Variants in ALK observed in about 807,000 individuals in gnomAD.
The protein encoded by ALK is ALK receptor tyrosine kinase.
A neutral mutation model predicts 163.1 loss-of-function variants in ALK; 74 were observed. The observed-to-expected ratio is 0.45, with a 90% CI of 0.38 to 0.55. ALK has a LOEUF of 0.55. Among genes scored for constraint, ALK ranks in the 20% least tolerant of loss-of-function variants. The pLI, the probability that ALK is intolerant of heterozygous loss-of-function variation, is 0.00. For synonymous variants in ALK, 960 were observed against 843.2 expected (o/e 1.14, Z -2.40); for missense variants, 2,063 against 2,105.3 (o/e 0.98, Z 0.39).
chr2:29,743,596 G>A (rs1234965947), intron 1 of ALK, among the ~76,000 whole-genome samples: 1 of 152,130 alleles, frequency 6.6e-6, no homozygotes, highest in Non-Finnish European at 1.5e-5. Flanking sequence ...CTGTACTTTT[G>A]ACAAAGTCCC....
chr2:29,318,229 T>C (rs955561351), intron 8 of ALK, 75 bp downstream of exon 8: 6 of 1,288,652 alleles, frequency 4.7e-6, no homozygotes, highest in Non-Finnish European at 6.8e-6. Context: ...GCTAGGCTAC[T>C]TTCTTAATCT....
rs556872262 is a variant in ALK at position 29,826,325 on chromosome 2, G to A, written c.667+93668C>T. 8.1e-4 allele frequency among the ~76,000 whole-genome samples: 123 copies of A among 152,004 alleles called. 1 individual carries two copies. Among genetic ancestry groups the A allele is most frequent in the African/African-American group, 2.6e-3 (106 of 41,474 alleles). ...AAAATCAAGCAAAAATAGGAAATAC[G>A]TCTGCAGTTTGTGGTGTTTGGGCTT... is the stretch of plus-strand genomic sequence containing the variant. On this transcript the variant is annotated intron_variant, in intron 1 of 28. Transcript: ENST00000389048.
intron 1 of ALK, among the ~76,000 whole-genome samples, chr2:29,915,895 G>C (rs1017055684): frequency 6.6e-6 from 1 of 152,094 alleles, no homozygotes; most frequent in Admixed American, 6.5e-5. Flanking sequence ...TGGAGGGCAG[G>C]GAAGAATAAA....
At position 29,676,848 on chromosome 2, in the gene ALK, T is replaced by G. The variant is rs2148275299; in HGVS notation, c.952+18002A>C. 2.7e-5 allele frequency among the ~76,000 whole-genome samples: 4 copies of G among 149,378 alleles called. No individual in the cohort carries two copies. The Middle Eastern group carries it at 0.014, about 512-fold the overall frequency. ...ATTTTTAATGTATGCAGCTTGCACT[T>G]GTTTTGTTAAATTTTTTTCTAATTA... On this transcript the variant is annotated intron_variant, in intron 3 of 28. Transcript: ENST00000389048.
At chr2:29,687,544 G>A (rs76345815) in intron 3 of ALK, among the ~76,000 whole-genome samples, 5,399 of 151,526 alleles carry the variant, frequency 0.036, 126 homozygotes, top group Middle Eastern at 0.066. Context: ...TAAAAAAAAA[G>A]GATAGCATGT....
At chr2:29,467,476 T>C (rs1213181386) in intron 4 of ALK, among the ~76,000 whole-genome samples, 1 of 152,212 alleles carries the variant, frequency 6.6e-6, no homozygotes, top group Non-Finnish European at 1.5e-5. Flanking sequence ...ACTTAGTTTA[T>C]CATTTTCTGC....
intron 23 of ALK, among the ~76,000 whole-genome samples, chr2:29,215,438 T>C (rs1669576579): frequency 6.6e-6 from 1 of 152,198 alleles, no homozygotes; most frequent in African/African-American, 2.4e-5. Flanking sequence ...ATAGTTCCCC[T>C]ACCGGTGCCT....
intron 5 of ALK, among the ~76,000 whole-genome samples, chr2:29,379,892 A>G (rs1668853392): frequency 6.6e-6 from 1 of 152,204 alleles, no homozygotes; most frequent in Non-Finnish European, 1.5e-5. Context: ...GTATTGTGTT[A>G]GTCCATTCTC....
intron 3 of ALK, among the ~76,000 whole-genome samples, chr2:29,604,943 T>C (rs1675499171): frequency 6.6e-6 from 1 of 152,248 alleles, no homozygotes; most frequent in Non-Finnish European, 1.5e-5. Flanking sequence ...TGTTGGGATA[T>C]TCTGACATAT....
intron 3 of ALK, among the ~76,000 whole-genome samples, chr2:29,591,585 G>T (rs1675062221): frequency 6.6e-6 from 1 of 152,144 alleles, no homozygotes; most frequent in Non-Finnish European, 1.5e-5. Flanking sequence ...AGAATTTAAA[G>T]AGATGGAAAT....
chr2:29,821,171 T>G, intron 1 of ALK, among the ~76,000 whole-genome samples: 1 of 152,160 alleles, frequency 6.6e-6, no homozygotes, highest in South Asian at 2.1e-4. Context: ...CCACCCACTG[T>G]TGCCAGAGGA....
At chr2:29,609,306 C>T (rs1675626120) in intron 3 of ALK, among the ~76,000 whole-genome samples, 1 of 152,112 alleles carries the variant, frequency 6.6e-6, no homozygotes, top group Admixed American at 6.5e-5. Context: ...TGTCCACTCT[C>T]TCTGGTGCCC....
intron 3 of ALK, among the ~76,000 whole-genome samples, chr2:29,633,082 C>T (rs1279721914): frequency 2.0e-5 from 3 of 152,148 alleles, no homozygotes; most frequent in Non-Finnish European, 4.4e-5. Flanking sequence ...ACAGAAATCT[C>T]TCTTAGTTAC....
rs112818332 is a variant in ALK, at chr2:29,558,598, C to T, written c.953-26482G>A. On this transcript the variant is annotated intron_variant, in intron 3 of 28. Transcript: ENST00000389048. ...CTGCTCTACCTTGGAATCTGCTCAC[C>T]CTTCAAGGTCCATTTAAGGGTCACC... Among the ~76,000 whole-genome samples, 330 of 152,172 alleles carry T rather than the reference C, an allele frequency of 2.2e-3. 3 individuals are homozygous for T. The East Asian group carries it at 0.024, about 11-fold the overall frequency.
intron 3 of ALK, among the ~76,000 whole-genome samples, chr2:29,674,457 G>C (rs1677810336): frequency 6.7e-6 from 1 of 149,406 alleles, no homozygotes; most frequent in Non-Finnish European, 1.5e-5. Context: ...CTTTGGCTCT[G>C]TTTATATGCT....
At chr2:29,391,715 T>C (rs1453336869) in intron 4 of ALK, among the ~76,000 whole-genome samples, 2 of 152,166 alleles carry the variant, frequency 1.3e-5, no homozygotes, top group Non-Finnish European at 1.5e-5. Context: ...TCCCTCACTT[T>C]TCCTTTCCTT....
intron 1 of ALK, among the ~76,000 whole-genome samples, chr2:29,776,726 G>A (rs1342007731): frequency 6.6e-6 from 1 of 152,150 alleles, no homozygotes; most frequent in African/African-American, 2.4e-5. Context: ...GAGCCTGGGA[G>A]GTCAAGTCTG....
chr2:29,445,439 G>A (rs780800561), intron 4 of ALK, among the ~76,000 whole-genome samples: 2 of 152,180 alleles, frequency 1.3e-5, no homozygotes, highest in East Asian at 1.9e-4. Flanking sequence ...GCTGGGTAAC[G>A]CTCTTCCAGA....
chr2:29,752,180 T>C (rs1680383467), intron 1 of ALK, among the ~76,000 whole-genome samples: 1 of 151,328 alleles, frequency 6.6e-6, no homozygotes. Context: ...AATTTTGCCT[T>C]TTTTTGTTTA....
Sources: gnomAD v4.1 joint callset for allele counts (sites outside exome capture counted in the v4.1 genomes callset) on GRCh38, gnomAD v4.1.1 for gene constraint, MANE v1.5 for transcripts, NCBI Gene and HGNC (gene_info 2026-07-23, HGNC 2026-07-21) for gene names.